Variants in CENPU observed in about 807,000 individuals in gnomAD.
CENPU encodes centromere protein U.
A neutral mutation model predicts 56.7 loss-of-function variants in CENPU; 46 were observed. The observed-to-expected ratio is 0.81, with a 90% CI of 0.64 to 1.04. The LOEUF (loss-of-function observed/expected upper bound fraction) is 1.04. Among genes scored for constraint, CENPU ranks in the 50% least tolerant of loss-of-function variants. The pLI is 0.00. For missense variants in CENPU, 510 were observed against 490.1 expected, an observed-to-expected ratio of 1.04 and a Z score of -0.38; for synonymous variants, 166 against 163.0, an observed-to-expected ratio of 1.02 and a Z score of -0.14.
Position 184,728,991 on chromosome 4 carries a change from A to G in CENPU, c.141T>C (p.Pro47=). The change falls in exon 3 of 13, where the codon CCT becomes CCC. Residue 47 remains proline, a synonymous_variant. Coordinates refer to ENST00000281453, the MANE Select transcript of CENPU (RefSeq NM_024629.4). ...KCKPIDVFDF[P]DNSDVSSIGR... ...CAATGCTTGAGACATCAGAATTATCAGGAAAGTCGAACACGTCAATAGGCT... is the reference window on the plus strand; with the variant it reads ...CAATGCTTGAGACATCAGAATTATCGGGAAAGTCGAACACGTCAATAGGCT... The G allele has an allele frequency of 6.2e-7, 1 of 1,614,154 alleles. No individual in the cohort carries two copies. The highest frequency in any genetic ancestry group is 8.5e-7 in the Non-Finnish European group (1 of 1,180,026).
At chr4:184,724,621 T>C (rs1761394500) in intron 4 of CENPU, among the ~76,000 whole-genome samples, 1 of 152,226 alleles carries the variant, frequency 6.6e-6, no homozygotes, top group Non-Finnish European at 1.5e-5. Flanking sequence ...GTGATAATTA[T>C]AGAGAATTTG....
At chr4:184,724,099 C>T (rs1347488923) in intron 4 of CENPU, among the ~76,000 whole-genome samples, 1 of 151,546 alleles carries the variant, frequency 6.6e-6, no homozygotes, top group Non-Finnish European at 1.5e-5. Flanking sequence ...CCCGTCTCTA[C>T]TAAAAATACA....
chr4:184,707,359 ACCCCCGCTCCC>A, intron 8 of CENPU, among the ~76,000 whole-genome samples: 2 of 151,156 alleles, frequency 1.3e-5, no homozygotes, highest in African/African-American at 4.9e-5. Context: ...GTGCCTGCTC[ACCCCCGCTCCC>A]CTGCCCCCTG....
chr4:184,720,835 C>T (rs1761250420), intron 4 of CENPU, among the ~76,000 whole-genome samples: 1 of 152,056 alleles, frequency 6.6e-6, no homozygotes, highest in Admixed American at 6.6e-5. Context: ...CAAACAAAAG[C>T]TGAGAAATTT....
chr4:184,733,869 G>A (rs1253668419), intron 1 of CENPU, 147 bp downstream of exon 1: 8 of 1,054,740 alleles, frequency 7.6e-6, no homozygotes, highest in Admixed American at 5.4e-5. Context: ...CTAGACTGAG[G>A]AGGAAGCCGG....
intron 1 of CENPU, among the ~76,000 whole-genome samples, 196 bp downstream of exon 1, chr4:184,733,820 C>T (rs1230062870): frequency 6.6e-6 from 1 of 152,180 alleles, no homozygotes; most frequent in African/African-American, 2.4e-5. Flanking sequence ...AGTGTTAGGC[C>T]CCGACAGGCC....
At position 184,697,329 on chromosome 4, in the gene CENPU, CTG is replaced by C. The variant is rs35429624; in HGVS notation, c.1143+316_1143+317del. Among the ~76,000 whole-genome samples, 595 of 151,118 alleles carry C rather than the reference CTG, an allele frequency of 3.9e-3. 5 individuals are homozygous for C. Among genetic ancestry groups the C allele is most frequent in the African/African-American group, 0.014 (577 of 41,472 alleles). On this transcript the variant is annotated intron_variant, in intron 12 of 12. Transcript: ENST00000281453. The stretch of plus-strand genomic sequence containing the variant: ...CTGAGTGGTCTTACATGAATGAAAA[CTG>C]TAATACAGCAGAGTGTGATTTTTCA...
At chr4:184,712,918 A>G in intron 7 of CENPU, 26 bp downstream of exon 7, 1 of 1,462,530 alleles carries the variant, frequency 6.8e-7, no homozygotes. Context: ...TGAATGAGTG[A>G]CAAAGTATAA....
intron 6 of CENPU, among the ~76,000 whole-genome samples, chr4:184,713,318 C>T (rs1486072021): frequency 1.3e-5 from 2 of 152,106 alleles, no homozygotes; most frequent in African/African-American, 2.4e-5. Flanking sequence ...TTGAACCTGG[C>T]GGGAATCGGA....
chr4:184,728,327 A>C (rs1343517773), intron 3 of CENPU, among the ~76,000 whole-genome samples: 2 of 152,200 alleles, frequency 1.3e-5, no homozygotes, highest in South Asian at 4.1e-4. Flanking sequence ...AATTCTCTTA[A>C]AACTTATTCC....
rs1409739510 is a variant in CENPU, at chr4:184,694,744, C to T, written c.*544G>A. On this transcript the variant is annotated 3_prime_UTR_variant, in exon 13 of 13. Coordinates refer to ENST00000281453, the MANE Select transcript of CENPU (RefSeq NM_024629.4). ...TTATAACAGTGAAGTGGATGAAATT[C>T]CTGATGAACTAATTATAGAAGTATT... The T allele has an allele frequency of 6.2e-7, 1 of 1,611,946 alleles. No homozygotes were observed. The highest frequency in any genetic ancestry group is 2.2e-5 in the East Asian group (1 of 44,846).
intron 11 of CENPU, chr4:184,699,668 CT>C (rs1554010092): frequency 6.8e-3 from 7,196 of 1,052,352 alleles, no homozygotes; most frequent in South Asian, 0.013. Context: ...GGCAGTCTCT[CT>C]TTTTTTTTTG....
At position 184,710,193 on chromosome 4, in the gene CENPU, G is replaced by C. The variant is rs759470994; in HGVS notation, c.689-13C>G. The C allele has an allele frequency of 6.4e-7, 1 of 1,551,016 alleles. No homozygotes were observed. The highest frequency in any genetic ancestry group is 1.7e-5 in the Admixed American group (1 of 58,194). On this transcript the variant is annotated splice_polypyrimidine_tract_variant and intron_variant, in intron 7 of 12. Transcript: ENST00000281453. ...ATGTCAGAAGTATCTAAAATATTAAGATAAGTTAACATGCTGGTTATTCAT... is the reference window on the plus strand; with the variant it reads ...ATGTCAGAAGTATCTAAAATATTAACATAAGTTAACATGCTGGTTATTCAT...
intron 4 of CENPU, among the ~76,000 whole-genome samples, chr4:184,722,064 C>A (rs1761299322): frequency 6.6e-6 from 1 of 152,084 alleles, no homozygotes; most frequent in African/African-American, 2.4e-5. Context: ...TGGAATAAAA[C>A]TAGATATCAA....
chr4:184,720,547 C>A (rs1045149487), intron 4 of CENPU, among the ~76,000 whole-genome samples: 16 of 152,054 alleles, frequency 1.1e-4, no homozygotes, highest in Non-Finnish European at 1.8e-4. Flanking sequence ...CAACCAACAC[C>A]AAGCAGCTTT....
At chr4:184,731,251 G>A (rs1026408428) in intron 1 of CENPU, among the ~76,000 whole-genome samples, 1 of 152,202 alleles carries the variant, frequency 6.6e-6, no homozygotes. Flanking sequence ...ACAAAGGGGA[G>A]GTAGGCTAAC....
chr4:184,727,312 G>A (rs994056689), intron 3 of CENPU, among the ~76,000 whole-genome samples: 1 of 152,172 alleles, frequency 6.6e-6, no homozygotes, highest in African/African-American at 2.4e-5. Context: ...AATAGGTGGA[G>A]CATTTCAGTT....
intron 3 of CENPU, among the ~76,000 whole-genome samples, 199 bp downstream of exon 3, chr4:184,728,719 C>T (rs1307827458): frequency 1.3e-5 from 2 of 152,092 alleles, no homozygotes; most frequent in Non-Finnish European, 2.9e-5. Context: ...AGACGAGTGC[C>T]GCTTTGATAA....
intron 6 of CENPU, among the ~76,000 whole-genome samples, chr4:184,714,413 G>A (rs1761023580): frequency 6.6e-6 from 1 of 152,070 alleles, no homozygotes; most frequent in African/African-American, 2.4e-5. Context: ...CTTTCAAGCA[G>A]AAATGACAAT....
Sources: gnomAD v4.1 joint callset for allele counts (sites outside exome capture counted in the v4.1 genomes callset) on GRCh38, gnomAD v4.1.1 for gene constraint, MANE v1.5 for transcripts, NCBI Gene and HGNC (gene_info 2026-07-23, HGNC 2026-07-21) for gene names.